Variants in PRIM2 observed in about 807,000 individuals in gnomAD.
The protein encoded by PRIM2 is DNA primase large subunit.
In PRIM2, 39 loss-of-function variants were observed where a neutral mutation model predicts 67.3. The ratio of observed to expected loss-of-function variants is 0.58; its 90% CI spans 0.45 to 0.76. The LOEUF is 0.76. Among genes scored for constraint, PRIM2 ranks in the 30% least tolerant of loss-of-function variants. The probability of loss-of-function intolerance (pLI) is 0.00; values close to 1 mark genes in which losing one functional copy is unlikely to be tolerated. For missense variants in PRIM2, 398 were observed against 598.7 expected, an observed-to-expected ratio of 0.66 and a Z score of 3.50; for synonymous variants, 143 against 198.7, an observed-to-expected ratio of 0.72 and a Z score of 2.36.
intron 12 of PRIM2, among the ~76,000 whole-genome samples, chr6:57,613,285 G>C (rs1482340128): frequency 5.3e-5 from 8 of 152,204 alleles, no homozygotes; most frequent in African/African-American, 1.9e-4. Flanking sequence ...TTGCCTCTTG[G>C]GAACTAACCA....
chr6:57,540,443 GCTTGAAATACA>G (rs1200674771), intron 10 of PRIM2, among the ~76,000 whole-genome samples: 1 of 152,180 alleles, frequency 6.6e-6, no homozygotes, highest in Admixed American at 6.5e-5. Context: ...ACAAGTTGAT[GCTTGAAATACA>G]CAGGTGTGAA....
chr6:57,588,082 C>A (rs1776226781), intron 10 of PRIM2, among the ~76,000 whole-genome samples: 2 of 151,984 alleles, frequency 1.3e-5, no homozygotes, highest in African/African-American at 2.4e-5. Context: ...TTGAAGTGGG[C>A]AAAGGAACTC....
chr6:57,450,622 T>A (rs1772511201), intron 7 of PRIM2, among the ~76,000 whole-genome samples: 1 of 152,324 alleles, frequency 6.6e-6, no homozygotes, highest in Non-Finnish European at 1.5e-5. Flanking sequence ...GGTTTTAGAT[T>A]TAGAATTACT....
intron 7 of PRIM2, among the ~76,000 whole-genome samples, chr6:57,397,972 T>C (rs566232198): frequency 1.0e-3 from 156 of 151,218 alleles, no homozygotes; most frequent in African/African-American, 3.6e-3. Context: ...TCTTTCTTTT[T>C]TTTTTTGAGA....
At chr6:57,337,192 G>A (rs974331685) in intron 5 of PRIM2, among the ~76,000 whole-genome samples, 4 of 151,890 alleles carry the variant, frequency 2.6e-5, no homozygotes, top group African/African-American at 9.6e-5. Context: ...CAATACAGGA[G>A]CACCCAGATT....
At chr6:57,618,826 G>T (rs1776799996) in intron 12 of PRIM2, among the ~76,000 whole-genome samples, 1 of 146,018 alleles carries the variant, frequency 6.8e-6, no homozygotes, top group South Asian at 2.2e-4. Flanking sequence ...CCACCTGACA[G>T]TCCTTCCCTA....
chr6:57,473,444 A>G (rs1271709328), intron 7 of PRIM2, among the ~76,000 whole-genome samples: 5,020 of 152,214 alleles, frequency 0.033, 277 homozygotes, highest in African/African-American at 0.11. Flanking sequence ...TAACCTGGAA[A>G]ACTTTTTTTA....
At chr6:57,274,404 C>T in the PRIM2 span, among the ~76,000 whole-genome samples, 1 of 152,232 alleles carries the variant, frequency 6.6e-6, no homozygotes, top group African/African-American at 2.4e-5. Flanking sequence ...AGCAAGACTC[C>T]GTGGGCATAG....
intron 8 of PRIM2, among the ~76,000 whole-genome samples, chr6:57,522,552 T>C (rs1452472964): frequency 6.6e-6 from 1 of 152,206 alleles, no homozygotes; most frequent in Non-Finnish European, 1.5e-5. Flanking sequence ...GGTCTTGCTC[T>C]TTTGCCCAGG....
chr6:57,488,301 G>A (rs1195071528), intron 7 of PRIM2, among the ~76,000 whole-genome samples: 1 of 152,174 alleles, frequency 6.6e-6, no homozygotes, highest in Non-Finnish European at 1.5e-5. Context: ...TTTTCTGGTG[G>A]TATTGGTTGG....
rs1475559062 is a variant in PRIM2 at position 57,646,441 on chromosome 6, G to C, written c.*283G>C. ...GCCCAGGCAGATCTCAGACTCCTGG[G>C]CTCAAGCGATCCTCACACCTCAGCG... On this transcript the variant is annotated 3_prime_UTR_variant, in exon 14 of 14. Transcript: ENST00000615550. 9.2e-6 allele frequency: 3 copies of C among 325,936 alleles called. No homozygotes were observed. The highest frequency in any genetic ancestry group is 2.2e-5 in the African/African-American group (1 of 46,458). 20.2% of individuals were successfully genotyped at this position (325,936 alleles called of 1,614,324 possible). A position where few individuals can be genotyped will look rare whatever the true frequency, so the allele number is the denominator to read the frequency against.
At chr6:57,542,501 T>C (rs1775181348) in intron 10 of PRIM2, among the ~76,000 whole-genome samples, 1 of 152,208 alleles carries the variant, frequency 6.6e-6, no homozygotes, top group African/African-American at 2.4e-5. Context: ...TGTAGCAATA[T>C]CATCAGTAGT....
intron 7 of PRIM2, among the ~76,000 whole-genome samples, chr6:57,386,323 T>G (rs1372761194): frequency 7.2e-6 from 1 of 139,058 alleles, no homozygotes; most frequent in African/African-American, 2.8e-5. Context: ...GAGGCTGGGG[T>G]GGGGGGATCA....
chr6:57,582,696 A>G (rs1487486647), intron 10 of PRIM2, among the ~76,000 whole-genome samples: 19 of 152,046 alleles, frequency 1.2e-4, no homozygotes, highest in African/African-American at 4.6e-4. Context: ...ACAGTGGGGA[A>G]GCAGCCTGTA....
chr6:57,379,490 A>G (rs1769882299), intron 5 of PRIM2, among the ~76,000 whole-genome samples: 1 of 152,202 alleles, frequency 6.6e-6, no homozygotes, highest in Non-Finnish European at 1.5e-5. Flanking sequence ...GTGGCTAGAA[A>G]ATTGAGAAAT....
At chr6:57,417,189 A>T (rs1219196807) in intron 7 of PRIM2, among the ~76,000 whole-genome samples, 1 of 151,520 alleles carries the variant, frequency 6.6e-6, no homozygotes, top group African/African-American at 2.4e-5. Context: ...CTAGCCTCGA[A>T]CTCCTGACCT....
At chr6:57,247,138 G>A in the PRIM2 span, among the ~76,000 whole-genome samples, 7 of 152,220 alleles carry the variant, frequency 4.6e-5, no homozygotes, top group Admixed American at 1.3e-4. Context: ...ACAGGCGTGA[G>A]CCACACCGCG....
the PRIM2 span, among the ~76,000 whole-genome samples, chr6:57,291,919 C>T: frequency 3.3e-5 from 5 of 152,114 alleles, no homozygotes; most frequent in African/African-American, 1.2e-4. Context: ...TGGAAGCATT[C>T]CCTTTGAAAA....
At chr6:57,321,773 T>C (rs988350259) in intron 3 of PRIM2, among the ~76,000 whole-genome samples, 4 of 152,246 alleles carry the variant, frequency 2.6e-5, no homozygotes, top group Admixed American at 6.5e-5. Flanking sequence ...ATGTAATTCA[T>C]ACAGCAGTCT....
Sources: gnomAD v4.1 joint callset for allele counts (sites outside exome capture counted in the v4.1 genomes callset) on GRCh38, gnomAD v4.1.1 for gene constraint, MANE v1.5 for transcripts, NCBI Gene and HGNC (gene_info 2026-07-23, HGNC 2026-07-21) for gene names.